FHAD1: variants seen among roughly 807,000 people sequenced by gnomAD.
The protein encoded by FHAD1 is forkhead-associated domain-containing protein 1.
In FHAD1, 146 loss-of-function variants were observed where a neutral mutation model predicts 191.3. That is an observed-to-expected ratio of 0.76 (90% CI 0.67 to 0.88). The LOEUF is 0.88. Among genes scored for constraint, FHAD1 ranks in the 40% least tolerant of loss-of-function variants. The pLI is 0.00. For synonymous variants in FHAD1, 616 were observed against 672.3 expected (o/e 0.92, Z 1.29); for missense variants, 1,635 against 1,785.8 (o/e 0.92, Z 1.52).
chr1:15,354,353 C>T (rs1691966737), intron 20 of FHAD1, among the ~76,000 whole-genome samples: 1 of 152,158 alleles, frequency 6.6e-6, no homozygotes, highest in Non-Finnish European at 1.5e-5. Flanking sequence ...ACATCTGGAT[C>T]GCACGTCAGC....
chr1:15,298,728 A>T (rs1339868997), intron 5 of FHAD1, among the ~76,000 whole-genome samples: 2 of 152,214 alleles, frequency 1.3e-5, no homozygotes, highest in Non-Finnish European at 2.9e-5. Context: ...GAAGCTGCAA[A>T]GTTATTTGTA....
At position 15,312,427 on chromosome 1, in the gene FHAD1, G is replaced by C. The variant is rs1672547489; in HGVS notation, c.1040-630G>C. On this transcript the variant is annotated intron_variant, in intron 7 of 33. Transcript: ENST00000688493. This position sits in a 1 kb window ranked among gnomAD's most constrained non-coding sequence, Gnocchi z 4.7. ...TGTAATCCCAGCACTTTGGGAGACA[G>C]AGGCTGGTGGATTGCTTCAGCCTGG... Among the ~76,000 whole-genome samples the C allele has an allele frequency of 6.6e-6, 1 of 152,216 alleles. No homozygotes were observed. The highest frequency in any genetic ancestry group is 2.4e-5 in the African/African-American group (1 of 41,458).
At chr1:15,371,688 T>C (rs1482131103) in intron 26 of FHAD1, among the ~76,000 whole-genome samples, 1 of 152,162 alleles carries the variant, frequency 6.6e-6, no homozygotes, top group African/African-American at 2.4e-5. Context: ...CGTTCCAGGT[T>C]GTTTACTGCC....
chr1:15,309,414 A>G (rs138277769), intron 7 of FHAD1, among the ~76,000 whole-genome samples: 89 of 152,296 alleles, frequency 5.8e-4, no homozygotes, highest in Admixed American at 1.1e-3. Flanking sequence ...TGGGGCTCAC[A>G]CTTGGGAGAG....
At chr1:15,347,478 T>G (rs970275570) in intron 18 of FHAD1, among the ~76,000 whole-genome samples, 3 of 152,170 alleles carry the variant, frequency 2.0e-5, no homozygotes, top group Non-Finnish European at 4.4e-5. Context: ...TTGATTTTCT[T>G]TTTTTCTGTC....
In FHAD1 at chr1:15,329,704, TA is replaced by T. The variant is rs111349324; in HGVS notation, c.1906+174del. 13,864 of 412,908 alleles carry T rather than the reference TA, an allele frequency of 0.034. 140 individuals are homozygous for T. Among genetic ancestry groups the T allele is most frequent in the African/African-American group, 0.078 (3,651 of 46,596 alleles). The allele number at this position is 412,908 out of a possible 1,614,324, so 25.6% of individuals were successfully genotyped here. The stretch of plus-strand genomic sequence containing the variant: ...CTCTGCTTGAGGCGTAATTTTCCAT[TA>T]AAAAAAAAAACACACACATACAAGT... On this transcript the variant is annotated intron_variant, in intron 14 of 33. Transcript: ENST00000688493. The surrounding 1 kb of genome is among the most constrained non-coding windows in gnomAD (Gnocchi z 5.0).
At chr1:15,268,360 G>A (rs978936490) in intron 2 of FHAD1, among the ~76,000 whole-genome samples, 1 of 151,582 alleles carries the variant, frequency 6.6e-6, no homozygotes, top group Non-Finnish European at 1.5e-5. Flanking sequence ...ATTCAATGGT[G>A]TATATGTGCC....
Position 15,276,934 on chromosome 1 carries a change from TG to T in FHAD1, c.300+4406del, listed in dbSNP as rs60270382. On this transcript the variant is annotated intron_variant, in intron 3 of 33. Transcript: ENST00000688493. This position sits in a 1 kb window ranked among gnomAD's most constrained non-coding sequence, Gnocchi z 4.7. Reference sequence around the variant, plus strand: ...ATTTGCGATGCCCTGAAGCAACTGTTGAGTAGTAACACTGACTCCCTGCCTA... The same window carrying T: ...ATTTGCGATGCCCTGAAGCAACTGTTAGTAGTAACACTGACTCCCTGCCTA... Among the ~76,000 whole-genome samples, 33,256 of 152,062 alleles carry T rather than the reference TG, an allele frequency of 0.22. 4,346 individuals carry two copies. The highest frequency in any genetic ancestry group is 0.54 in the East Asian group (2,763 of 5,152).
upstream of FHAD1, among the ~76,000 whole-genome samples, chr1:15,242,451 A>C (rs141744191): frequency 2.0e-5 from 3 of 152,294 alleles, no homozygotes; most frequent in Non-Finnish European, 4.4e-5. Context: ...TTTAATAAAT[A>C]TGAGCTGAAT....
chr1:15,374,058 A>G (rs908902814), intron 26 of FHAD1, among the ~76,000 whole-genome samples: 3 of 152,172 alleles, frequency 2.0e-5, no homozygotes, highest in African/African-American at 7.2e-5. Context: ...CAGCCCAACC[A>G]AGAGCCAATC....
intron 26 of FHAD1, among the ~76,000 whole-genome samples, chr1:15,372,038 A>G (rs1698246428): frequency 6.6e-6 from 1 of 152,218 alleles, no homozygotes; most frequent in African/African-American, 2.4e-5. Context: ...GAGGAGAGAC[A>G]CAGAAATAAA....
chr1:15,298,907 C>T (rs1323318689), intron 5 of FHAD1, among the ~76,000 whole-genome samples: 9 of 151,690 alleles, frequency 5.9e-5, no homozygotes, highest in Admixed American at 3.9e-4. Context: ...CAGTGGCTCG[C>T]GCCTGTAATC....
At chr1:15,386,321 T>G (rs868622304) in intron 31 of FHAD1, among the ~76,000 whole-genome samples, 1 of 152,236 alleles carries the variant, frequency 6.6e-6, no homozygotes. Context: ...TGGCGAGTCC[T>G]GCAGACTCCG....
chr1:15,314,798 G>A (rs1397741527), intron 8 of FHAD1, among the ~76,000 whole-genome samples: 2 of 138,236 alleles, frequency 1.4e-5, no homozygotes, highest in Non-Finnish European at 1.6e-5. Flanking sequence ...TGTGGTGTGG[G>A]GGTGAATGGG....
intron 19 of FHAD1, among the ~76,000 whole-genome samples, chr1:15,351,572 A>T (rs1310533843): frequency 1.3e-5 from 2 of 152,074 alleles, no homozygotes; most frequent in African/African-American, 4.8e-5. Context: ...AATCAGATAG[A>T]TGCTCTCTGG....
chr1:15,308,194 A>G (rs1671122799), intron 6 of FHAD1, among the ~76,000 whole-genome samples: 1 of 152,166 alleles, frequency 6.6e-6, no homozygotes, highest in Non-Finnish European at 1.5e-5. Flanking sequence ...TCTGTGAGAT[A>G]TAACCTATTG....
chr1:15,263,844 A>G (rs1652250783), intron 2 of FHAD1, among the ~76,000 whole-genome samples: 2 of 152,142 alleles, frequency 1.3e-5, no homozygotes, highest in African/African-American at 4.8e-5. Context: ...TTACTAATAC[A>G]TGTGGATATC....
chr1:15,278,795 C>G (rs1199834726), intron 3 of FHAD1, among the ~76,000 whole-genome samples: 3 of 151,942 alleles, frequency 2.0e-5, no homozygotes, highest in Non-Finnish European at 4.4e-5. Flanking sequence ...ATATGTGGTT[C>G]TAAATATACA....
At chr1:15,401,178 G>A (rs756963385), downstream of FHAD1, among the ~76,000 whole-genome samples, 8 of 152,202 alleles carry the variant, frequency 5.3e-5, no homozygotes, top group Non-Finnish European at 1.2e-4. Context: ...AGTTTACTGG[G>A]AGGAAATGAG....
Sources: gnomAD v4.1 joint callset for allele counts (sites outside exome capture counted in the v4.1 genomes callset) on GRCh38, gnomAD v4.1.1 for gene constraint, Gnocchi (gnomAD v3.1) non-coding constraint, MANE v1.5 for transcripts, NCBI Gene and HGNC (gene_info 2026-07-23, HGNC 2026-07-21) for gene names.